MERTK: variants seen among roughly 807,000 people sequenced by gnomAD.
The protein encoded by MERTK is tyrosine-protein kinase Mer.
MERTK carries 69 observed loss-of-function variants against 99.3 expected under a neutral mutation model. That is an observed-to-expected ratio of 0.70 (90% confidence interval 0.57 to 0.85). The LOEUF is 0.85. Among genes scored for constraint, MERTK ranks in the 40% least tolerant of loss-of-function variants. MERTK has a pLI of 0.00. For synonymous variants in MERTK, 426 were observed against 467.6 expected (o/e 0.91, Z 1.15); for missense variants, 1,125 against 1,249.4 (o/e 0.90, Z 1.50).
At chr2:111,905,227 T>G (rs1684115452) in intron 1 of MERTK, among the ~76,000 whole-genome samples, 2 of 152,064 alleles carry the variant, frequency 1.3e-5, no homozygotes, top group South Asian at 4.1e-4. Flanking sequence ...TGTGAGACTC[T>G]GCAGCTGGAC....
chr2:112,015,886 T>C (rs991717118), intron 15 of MERTK: 1 of 154,402 alleles, frequency 6.5e-6, no homozygotes, highest in Admixed American at 6.5e-5. Context: ...TTTTTGCGTA[T>C]AGATGACCAA....
At chr2:111,905,748 C>T (rs964847074) in intron 1 of MERTK, among the ~76,000 whole-genome samples, 2 of 151,988 alleles carry the variant, frequency 1.3e-5, no homozygotes, top group African/African-American at 4.8e-5. Context: ...GGATTATAGG[C>T]GTGAGCCACC....
intron 1 of MERTK, among the ~76,000 whole-genome samples, chr2:111,909,161 C>A (rs1684194441): frequency 6.6e-6 from 1 of 152,128 alleles, no homozygotes; most frequent in Non-Finnish European, 1.5e-5. Context: ...GGAACTCATA[C>A]ACTGCTGGTG....
At chr2:112,028,183 C>T in intron 18 of MERTK, 168 bp from the exon 19 acceptor site, 1 of 734,114 alleles carries the variant, frequency 1.4e-6, no homozygotes, top group Non-Finnish European at 2.2e-6. Context: ...GGAACATTTA[C>T]AAAAGTTGTA....
chr2:111,979,923 C>T (rs1267577743), intron 7 of MERTK, among the ~76,000 whole-genome samples: 1 of 152,168 alleles, frequency 6.6e-6, no homozygotes, highest in African/African-American at 2.4e-5. Context: ...AGTGGGGAGG[C>T]TTCGCCAGAC....
At chr2:112,015,306 G>A (rs550110524) in intron 15 of MERTK, among the ~76,000 whole-genome samples, 2 of 152,172 alleles carry the variant, frequency 1.3e-5, no homozygotes, top group Non-Finnish European at 2.9e-5. Flanking sequence ...GAGAAATGCA[G>A]TGCTCCCCAT....
intron 10 of MERTK, among the ~76,000 whole-genome samples, chr2:112,000,872 A>G (rs1371155770): frequency 6.6e-6 from 1 of 152,140 alleles, no homozygotes; most frequent in Non-Finnish European, 1.5e-5. Context: ...TCATTCAATC[A>G]TATTTTCATA....
chr2:111,951,555 A>AAATAAT (rs2104708498), intron 4 of MERTK, among the ~76,000 whole-genome samples: 2 of 117,128 alleles, frequency 1.7e-5, no homozygotes, highest in African/African-American at 2.9e-5. Context: ...ATATACCATA[A>AAATAAT]TTTTTTAATC....
chr2:111,972,271 T>C (rs1413404953), intron 6 of MERTK, among the ~76,000 whole-genome samples: 1 of 152,184 alleles, frequency 6.6e-6, no homozygotes, highest in Non-Finnish European at 1.5e-5. Flanking sequence ...TACATGGACA[T>C]AACTGAAGCA....
At chr2:111,923,060 G>A (rs1684495162) in intron 1 of MERTK, among the ~76,000 whole-genome samples, 1 of 152,166 alleles carries the variant, frequency 6.6e-6, no homozygotes, top group Non-Finnish European at 1.5e-5. Flanking sequence ...CAGTGTCCTT[G>A]CCTGGACCAC....
At chr2:111,919,580 G>T (rs1409099021) in intron 1 of MERTK, among the ~76,000 whole-genome samples, 1 of 152,036 alleles carries the variant, frequency 6.6e-6, no homozygotes, top group Admixed American at 6.6e-5. Context: ...TAGGGACATG[G>T]ACATTGCAGT....
chr2:112,028,249 G>A lies in MERTK; in HGVS notation c.2487-102G>A, dbSNP rs1165591263. 5 of 1,260,636 alleles carry A rather than the reference G, an allele frequency of 4.0e-6. No homozygotes were observed. The African/African-American group carries it at 6.0e-5, about 15-fold the overall frequency. 78.1% of individuals were successfully genotyped at this position (1,260,636 alleles called of 1,614,324 possible). ...AATTTTTATAAAAAGTAGAATGAAT[G>A]CTGATTAAAATGTGATAAAGATTCT... On this transcript the variant is annotated intron_variant, in intron 18 of 18. Coordinates refer to ENST00000295408, the MANE Select transcript of MERTK (RefSeq NM_006343.3).
chr2:111,989,792 A>C (rs762134101), intron 8 of MERTK, among the ~76,000 whole-genome samples: 1 of 152,222 alleles, frequency 6.6e-6, no homozygotes, highest in African/African-American at 2.4e-5. Context: ...AAGATGTGTT[A>C]TTACTTTTCT....
Position 112,001,208 on chromosome 2 carries a change from T to G in MERTK, c.1612T>G (p.Phe538Val), listed in dbSNP as rs753315690. 47 of 1,612,498 alleles carry G rather than the reference T, an allele frequency of 2.9e-5. No homozygotes were observed. Among genetic ancestry groups the G allele is most frequent in the Non-Finnish European group, 3.9e-5 (46 of 1,178,520 alleles). The change falls in exon 11 of 19, where the codon TTC (phenylalanine) becomes GTC (valine). Residue 538 changes from phenylalanine (F) to valine (V), a missense_variant. Transcript: ENST00000295408. The part of the protein sequence containing the change: ...RVQETKFGNA[F>V]TEEDSELVVN... ...TTGTTTTCATTCACCCAGGAATGCA[T>G]TCACAGAGGAGGATTCTGAATTAGT...
chr2:111,911,066 C>A (rs1210215395), intron 1 of MERTK, among the ~76,000 whole-genome samples: 2 of 152,214 alleles, frequency 1.3e-5, no homozygotes, highest in African/African-American at 4.8e-5. Context: ...CTAACCTTTC[C>A]CTGATTATTC....
Position 111,929,138 on chromosome 2 carries a change from A to G in MERTK, c.80A>G (p.Glu27Gly), listed in dbSNP as rs1480349594. ...LWRRAITEAR[E>G]EAKPYPLFPG... ...TTTACAGCTATCACTGAGGCAAGGG[A>G]AGAAGCCAAGCCTTACCCGCTATTC... The change falls in exon 2 of 19, where the codon GAA (glutamate) becomes GGA (glycine). Residue 27 changes from glutamate to glycine, a missense_variant. Transcript: ENST00000295408. The G allele has an allele frequency of 6.2e-7, 1 of 1,614,052 alleles. No homozygotes were observed. The highest frequency in any genetic ancestry group is 2.2e-5 in the East Asian group (1 of 44,900).
intron 1 of MERTK, among the ~76,000 whole-genome samples, chr2:111,909,996 T>G (rs1198257511): frequency 6.6e-6 from 1 of 152,186 alleles, no homozygotes; most frequent in Non-Finnish European, 1.5e-5. Context: ...TATAGCACTA[T>G]TCACAATAGC....
chr2:111,946,770 G>A (rs1684968081), intron 3 of MERTK, among the ~76,000 whole-genome samples: 1 of 152,190 alleles, frequency 6.6e-6, no homozygotes, highest in South Asian at 2.1e-4. Flanking sequence ...AGTCCCAGGA[G>A]TTTGAGCAAC....
At chr2:112,001,823 A>G (rs1676876894) in intron 11 of MERTK, among the ~76,000 whole-genome samples, 1 of 152,192 alleles carries the variant, frequency 6.6e-6, no homozygotes, top group Non-Finnish European at 1.5e-5. Context: ...ATGCTTCTGG[A>G]TGTTTGCCCC....
Sources: allele counts gnomAD v4.1 joint callset (sites outside exome capture counted in the v4.1 genomes callset), GRCh38; gene constraint gnomAD v4.1.1; transcripts MANE v1.5; gene names NCBI Gene and HGNC (gene_info 2026-07-23, HGNC 2026-07-21).